Variants in GALNT13 observed in about 807,000 individuals in gnomAD.
GALNT13 encodes polypeptide N-acetylgalactosaminyltransferase 13, also known as UDP-GalNAc:polypeptide N-acetylgalactosaminyltransferase 13.
Under a neutral mutation model 64.2 loss-of-function variants are expected in GALNT13, and 28 were observed. That is an observed-to-expected ratio of 0.44 (90% CI 0.32 to 0.60). The LOEUF (loss-of-function observed/expected upper bound fraction) is 0.60. Ranked by LOEUF, GALNT13 falls within the 20% of genes least tolerant of loss-of-function variation. The pLI is 0.05. For synonymous variants in GALNT13, 214 were observed against 224.6 expected, an observed-to-expected ratio of 0.95 and a Z score of 0.42; for missense variants, 577 against 669.8, an observed-to-expected ratio of 0.86 and a Z score of 1.53.
At chr2:153,363,746 G>A in the GALNT13 span, among the ~76,000 whole-genome samples, 1 of 152,050 alleles carries the variant, frequency 6.6e-6, no homozygotes, top group African/African-American at 2.4e-5. Context: ...GTAATTAATA[G>A]CCTACCAACC....
At chr2:154,179,168 A>G (rs539700548) in intron 4 of GALNT13, among the ~76,000 whole-genome samples, 1 of 152,310 alleles carries the variant, frequency 6.6e-6, no homozygotes, top group African/African-American at 2.4e-5. Context: ...AGGTATGTTA[A>G]GTAGTAACCA....
the GALNT13 span, among the ~76,000 whole-genome samples, chr2:153,245,731 T>C: frequency 4.0e-5 from 6 of 151,760 alleles, no homozygotes; most frequent in African/African-American, 1.2e-4. Context: ...AAAACCAGAA[T>C]GCCTCTTCTT....
At chr2:154,360,122 G>A (rs1434758740) in intron 9 of GALNT13, among the ~76,000 whole-genome samples, 1 of 152,112 alleles carries the variant, frequency 6.6e-6, no homozygotes, top group East Asian at 1.9e-4. Flanking sequence ...GAGTTATACA[G>A]TATTACACTG....
chr2:153,988,971 A>G (rs891526244), intron 3 of GALNT13, among the ~76,000 whole-genome samples: 1 of 151,866 alleles, frequency 6.6e-6, no homozygotes, highest in Non-Finnish European at 1.5e-5. Flanking sequence ...AAGTGGGATA[A>G]TTTATGTCAA....
chr2:153,385,010 G>A, the GALNT13 span, among the ~76,000 whole-genome samples: 1 of 151,834 alleles, frequency 6.6e-6, no homozygotes, highest in African/African-American at 2.4e-5. Flanking sequence ...TTTAACTTCA[G>A]TGAAAAAATA....
the GALNT13 span, among the ~76,000 whole-genome samples, chr2:153,469,748 T>A: frequency 6.6e-6 from 1 of 152,178 alleles, no homozygotes; most frequent in Non-Finnish European, 1.5e-5. Flanking sequence ...TGGGTAATGC[T>A]GAGTATTTTA....
At chr2:153,801,544 CA>C in the GALNT13 span, among the ~76,000 whole-genome samples, 4 of 152,092 alleles carry the variant, frequency 2.6e-5, no homozygotes, top group East Asian at 7.7e-4. Flanking sequence ...ACACATTTAT[CA>C]ATTAAGTTTT....
chr2:153,115,825 C>T, the GALNT13 span, among the ~76,000 whole-genome samples: 10 of 152,264 alleles, frequency 6.6e-5, no homozygotes, highest in Middle Eastern at 0.014. Context: ...CTAAAGGTTA[C>T]TGTCACATTT....
the GALNT13 span, among the ~76,000 whole-genome samples, chr2:153,356,955 G>A: frequency 1.3e-5 from 2 of 151,814 alleles, no homozygotes; most frequent in African/African-American, 4.8e-5. Flanking sequence ...CTGCCACCAC[G>A]CCCAGCTAAC....
At chr2:153,387,340 A>G in the GALNT13 span, among the ~76,000 whole-genome samples, 1 of 152,058 alleles carries the variant, frequency 6.6e-6, no homozygotes, top group Non-Finnish European at 1.5e-5. Context: ...CCACATACAA[A>G]CACACAGAAC....
intron 10 of GALNT13, among the ~76,000 whole-genome samples, chr2:154,408,318 A>C (rs1699644520): frequency 6.6e-6 from 1 of 152,098 alleles, no homozygotes; most frequent in East Asian, 1.9e-4. Context: ...TAAACCAAGA[A>C]CTTTATGTCT....
chr2:154,319,315 C>T (rs1363379244), intron 9 of GALNT13, among the ~76,000 whole-genome samples: 1 of 152,128 alleles, frequency 6.6e-6, no homozygotes, highest in Non-Finnish European at 1.5e-5. Context: ...ATACAAATTA[C>T]TGAACAATTC....
the GALNT13 span, among the ~76,000 whole-genome samples, chr2:153,792,080 G>GA: frequency 1.0e-3 from 156 of 151,492 alleles, no homozygotes; most frequent in African/African-American, 3.6e-3. Flanking sequence ...TTAAAACATG[G>GA]AAAAAAAATA....
At chr2:154,287,144 T>C in intron 8 of GALNT13, 2 of 1,451,310 alleles carry the variant, frequency 1.4e-6, no homozygotes, top group Non-Finnish European at 1.9e-6. Flanking sequence ...TGAGAAGGAG[T>C]TCACAGAAGC....
the GALNT13 span, among the ~76,000 whole-genome samples, chr2:153,533,405 C>A: frequency 2.7e-4 from 41 of 152,110 alleles, no homozygotes; most frequent in African/African-American, 8.9e-4. Context: ...GCAACTGCCA[C>A]CACGTCCAGC....
intron 3 of GALNT13, among the ~76,000 whole-genome samples, chr2:153,976,980 AC>A: frequency 6.6e-6 from 1 of 152,270 alleles, no homozygotes; most frequent in South Asian, 2.1e-4. Flanking sequence ...TAGAGGGCAT[AC>A]TAGTCATAAT....
At chr2:153,236,799 A>G in the GALNT13 span, among the ~76,000 whole-genome samples, 3 of 152,136 alleles carry the variant, frequency 2.0e-5, no homozygotes, top group South Asian at 2.1e-4. Context: ...CCCATAAATC[A>G]AGGAGTAATT....
At chr2:153,458,445 A>G in the GALNT13 span, among the ~76,000 whole-genome samples, 1 of 151,014 alleles carries the variant, frequency 6.6e-6, no homozygotes, top group Non-Finnish European at 1.5e-5. Flanking sequence ...TGTCTAATAA[A>G]CTCCCTCCTA....
intron 1 of GALNT13, among the ~76,000 whole-genome samples, chr2:153,900,124 CAG>C (rs905366321): frequency 4.0e-5 from 6 of 151,526 alleles, no homozygotes; most frequent in Non-Finnish European, 5.9e-5. Context: ...TTAGTAAAGA[CAG>C]GGTTTCGCCA....
Sources: gnomAD v4.1 joint callset for allele counts (sites outside exome capture counted in the v4.1 genomes callset) on GRCh38, gnomAD v4.1.1 for gene constraint, MANE v1.5 for transcripts, NCBI Gene and HGNC (gene_info 2026-07-23, HGNC 2026-07-21) for gene names.